Variants in DNAH1 observed in about 807,000 individuals in gnomAD.
DNAH1 encodes axonemal beta dynein heavy chain 1.
A neutral mutation model predicts 484.3 loss-of-function variants in DNAH1; 327 were observed. The ratio of observed to expected loss-of-function variants is 0.68; its 90% CI spans 0.62 to 0.74. The LOEUF is 0.74. Ranked by LOEUF, DNAH1 falls within the 30% of genes least tolerant of loss-of-function variation. The pLI is 0.00. For synonymous variants in DNAH1, 2,192 were observed against 2,191.9 expected (o/e 1.00, Z 0.00); for missense variants, 5,052 against 5,546.8 (o/e 0.91, Z 2.83).
intron 53 of DNAH1, 105 bp from the exon 54 acceptor site, chr3:52,385,232 G>A (rs2153225311): frequency 8.1e-7 from 1 of 1,231,208 alleles, no homozygotes; most frequent in Non-Finnish European, 1.1e-6. Flanking sequence ...GGCCACCGAA[G>A]CTGCCGGCCA....
chr3:52,398,370 C>T (rs886610364), intron 75 of DNAH1, among the ~76,000 whole-genome samples: 2 of 152,196 alleles, frequency 1.3e-5, no homozygotes, highest in Admixed American at 1.3e-4. Flanking sequence ...CAACCTCCAC[C>T]TCCCGGGTTC....
chr3:52,348,827 C>G, intron 12 of DNAH1, 61 bp from the exon 13 acceptor site: 1 of 1,568,590 alleles, frequency 6.4e-7, no homozygotes, highest in Non-Finnish European at 8.7e-7. Context: ...CCCATCTCCC[C>G]TCTGCTCATT....
chr3:52,343,103 C>G (rs1174442867), intron 8 of DNAH1, among the ~76,000 whole-genome samples: 1 of 152,142 alleles, frequency 6.6e-6, no homozygotes, highest in African/African-American at 2.4e-5. Flanking sequence ...GCCACTGTGC[C>G]AAGTCTCTGA....
Position 52,395,950 on chromosome 3 carries a change from T to A in DNAH1, c.11259+272T>A, listed in dbSNP as rs891963138. Among the ~76,000 whole-genome samples, 1 of 150,436 alleles carries A rather than the reference T, an allele frequency of 6.6e-6. No homozygotes were observed. The highest frequency in any genetic ancestry group is 2.5e-5 in the African/African-American group (1 of 40,564). On this transcript the variant is annotated intron_variant, in intron 70 of 77. Transcript: ENST00000420323. This position sits in a 1 kb window ranked among gnomAD's most constrained non-coding sequence, Gnocchi z 4.4. ...ACTTGCCAAAGCCCTTTTTTTTTTT[T>A]TTTTTTCAGACGGAGTCTCACTCTG...
chr3:52,315,447 T>G (rs1466197041), upstream of DNAH1, among the ~76,000 whole-genome samples: 1 of 152,140 alleles, frequency 6.6e-6, no homozygotes, highest in East Asian at 1.9e-4. Context: ...GGAGGGGGTG[T>G]GCAGACTTGC....
rs1701332469 is a variant in DNAH1, at chr3:52,326,207, C to T, written c.474C>T (p.Thr158=). ...RMEQQCIGST[T]RLLAQTDFPL... ...AGCAGCAGTGCATCGGGTCCACCAC[C>T]CGGCTGCTCGCCCAGACTGACTTCC... The change falls in exon 4 of 78, where the codon ACC becomes ACT. Residue 158 remains threonine (T), a synonymous_variant. Coordinates refer to ENST00000420323, the MANE Select transcript of DNAH1 (RefSeq NM_015512.5). 1 of 1,612,906 alleles carries T rather than the reference C, an allele frequency of 6.2e-7. No individual in the cohort carries two copies. Among genetic ancestry groups the T allele is most frequent in the Non-Finnish European group, 8.5e-7 (1 of 1,179,588 alleles).
Position 52,388,499 on chromosome 3 carries a change from G to T in DNAH1, c.9253G>T (p.Glu3085Ter), listed in dbSNP as rs1416020438. ...GGCAAAACAGCGCCTTCGTGAGGTG[G>T]AGGACGGCATCGCCACAATGCAGGC... The part of the protein sequence containing the change: ...DEAKQRLREV[E>*]DGIATMQAKY... The change falls in exon 58 of 78, where the codon GAG becomes TAG. Residue 3085 changes from glutamate (E) to a stop codon, truncating the protein, a stop_gained. Transcript: ENST00000420323. LOFTEE classifies it high-confidence loss of function. 6.2e-7 allele frequency: 1 copy of T among 1,612,666 alleles called. No homozygotes were observed. Among genetic ancestry groups the T allele is most frequent in the Non-Finnish European group, 8.5e-7 (1 of 1,179,456 alleles).
chr3:52,348,854 C>T (rs1396191760), intron 12 of DNAH1, 34 bp from the exon 13 acceptor site: 3 of 1,602,506 alleles, frequency 1.9e-6, no homozygotes. Context: ...CTGGCTCATC[C>T]AGGTCTGCCC....
In DNAH1 at chr3:52,346,669, A is replaced by G; in HGVS notation, c.1854A>G (p.Ser618=). The G allele has an allele frequency of 6.2e-7, 1 of 1,614,054 alleles. No individual in the cohort carries two copies. Among genetic ancestry groups the G allele is most frequent in the Non-Finnish European group, 8.5e-7 (1 of 1,179,898 alleles). ...CACTGCGCTTCCTGGTGCAGGACTC[A>G]CTTGCCAGCTTCTCACAGTTCATCA... ...QDTLRFLVQD[S]LASFSQFISD... Residue 618 remains serine, a synonymous_variant, in exon 11 of 78, where the codon TCA becomes TCG. Transcript: ENST00000420323.
At chr3:52,331,461 T>C (rs1428115139) in intron 7 of DNAH1, among the ~76,000 whole-genome samples, 152 bp downstream of exon 7, 1 of 152,062 alleles carries the variant, frequency 6.6e-6, no homozygotes, top group Non-Finnish European at 1.5e-5. Context: ...ACCAGAGGAC[T>C]CATCACTCAG....
chr3:52,324,951 G>T (rs533459682), intron 3 of DNAH1, among the ~76,000 whole-genome samples: 1 of 152,258 alleles, frequency 6.6e-6, no homozygotes, highest in East Asian at 1.9e-4. Flanking sequence ...GCCCCGGCCC[G>T]CGGACGCAGC....
chr3:52,322,739 C>T lies in DNAH1; in HGVS notation c.297C>T (p.Ser99=), dbSNP rs749586581. The T allele has an allele frequency of 1.6e-5, 25 of 1,611,062 alleles. No homozygotes were observed. Among genetic ancestry groups the T allele is most frequent in the African/African-American group, 5.3e-5 (4 of 74,780 alleles). ...YPLMKQRGFY[S]DILSPGTLDQ... is the part of the protein sequence containing the mutation. ...TGATGAAGCAGCGTGGGTTCTACTC[C>T]GACATCCTCAGCCCTGGAACCTTAG... The change falls in exon 2 of 78, where the codon TCC becomes TCT. Residue 99 remains serine, a synonymous_variant. Transcript: ENST00000420323.
intron 77 of DNAH1, 51 bp downstream of exon 77, chr3:52,399,830 A>ACCCAG: frequency 6.4e-7 from 1 of 1,562,584 alleles, no homozygotes; most frequent in South Asian, 1.2e-5. Flanking sequence ...CCCAGGACTA[A>ACCCAG]CCCAGCCCAG....
intron 1 of DNAH1, among the ~76,000 whole-genome samples, chr3:52,320,111 C>A (rs1394201319): frequency 6.6e-6 from 1 of 152,240 alleles, no homozygotes; most frequent in Admixed American, 6.5e-5. Flanking sequence ...GAATGGAATG[C>A]TCTCCTGTGG....
At position 52,368,735 on chromosome 3, in the gene DNAH1, C is replaced by T; in HGVS notation, c.5766-6C>T. ...GTTTCCAGCCCTCTCCTCCCTGGCGCTGCAGGACAGACGGGATATTCTCCT... is the reference window on the plus strand; with the variant it reads ...GTTTCCAGCCCTCTCCTCCCTGGCGTTGCAGGACAGACGGGATATTCTCCT... On this transcript the variant is annotated splice_region_variant and splice_polypyrimidine_tract_variant and intron_variant, in intron 36 of 77. Transcript: ENST00000420323. This position sits in a 1 kb window ranked among gnomAD's most constrained non-coding sequence, Gnocchi z 4.4. The T allele has an allele frequency of 6.2e-7, 1 of 1,611,918 alleles. No homozygotes were observed. Among genetic ancestry groups the T allele is most frequent in the South Asian group, 1.1e-5 (1 of 91,006 alleles).
chr3:52,372,450 G>A lies in DNAH1; in HGVS notation c.6827+63G>A, dbSNP rs552869658. On this transcript the variant is annotated intron_variant, in intron 43 of 77. Transcript: ENST00000420323. ...TCCCAGCCTGGCCGATCCAGCTGCT[G>A]TCCCACCTCTCCACCAAATTATGCT... The A allele has an allele frequency of 3.8e-6, 6 of 1,588,430 alleles. No homozygotes were observed. In the African/African-American group the frequency reaches 6.7e-5, roughly 18 times the overall value.
rs1704641645 is a variant in DNAH1, at chr3:52,396,653, C to T, written c.11466C>T (p.Cys3822=). 3 of 1,613,440 alleles carry T rather than the reference C, an allele frequency of 1.9e-6. No individual in the cohort carries two copies. Among genetic ancestry groups the T allele is most frequent in the Admixed American group, 1.7e-5 (1 of 59,994 alleles). Residue 3822 remains cysteine (C), a synonymous_variant, in exon 72 of 78, where the codon TGC becomes TGT. Transcript: ENST00000420323. ...MEFKSLLLSL[C]LFHGNALERR... ...TCAAGTCTCTGCTGCTGTCTCTGTG[C>T]TTGTTCCATGGGAACGCCCTGGAGC...
At chr3:52,325,693 A>G (rs939521129) in intron 3 of DNAH1, among the ~76,000 whole-genome samples, 1 of 152,156 alleles carries the variant, frequency 6.6e-6, no homozygotes, top group Non-Finnish European at 1.5e-5. Context: ...AGTATCCAGG[A>G]TGCCTCAAGC....
chr3:52,312,777 C>G (rs1008406525), upstream of DNAH1, among the ~76,000 whole-genome samples: 1 of 152,110 alleles, frequency 6.6e-6, no homozygotes. Flanking sequence ...CTCAGCCTCC[C>G]GAGTAGCTGG....
Sources: gnomAD v4.1 joint callset for allele counts (sites outside exome capture counted in the v4.1 genomes callset) on GRCh38, gnomAD v4.1.1 for gene constraint, Gnocchi (gnomAD v3.1) non-coding constraint, MANE v1.5 for transcripts, NCBI Gene and HGNC (gene_info 2026-07-23, HGNC 2026-07-21) for gene names.